Variants in PRSS12 observed in about 807,000 individuals in gnomAD.
The protein encoded by PRSS12 is serine protease 12.
In PRSS12, 85 loss-of-function variants were observed where a neutral mutation model predicts 104.4. The ratio of observed to expected loss-of-function variants is 0.81; its 90% CI spans 0.68 to 0.98. The LOEUF (loss-of-function observed/expected upper bound fraction) is 0.98. Among genes scored for constraint, PRSS12 ranks in the 50% least tolerant of loss-of-function variants. The pLI, the probability that PRSS12 is intolerant of heterozygous loss-of-function variation, is 0.00. For missense variants in PRSS12, 1,141 were observed against 1,139.2 expected, an observed-to-expected ratio of 1.00 and a Z score of -0.02; for synonymous variants, 454 against 425.2, an observed-to-expected ratio of 1.07 and a Z score of -0.83.
intron 8 of PRSS12, among the ~76,000 whole-genome samples, chr4:118,300,373 T>G (rs1743377752): frequency 6.6e-6 from 1 of 152,050 alleles, no homozygotes; most frequent in Non-Finnish European, 1.5e-5. Flanking sequence ...ATGGCAGATT[T>G]ACTTTTAGTT....
Position 118,331,767 on chromosome 4 carries a change from TC to T in PRSS12, c.919del (p.Asp307ThrfsTer10). 1.2e-6 allele frequency: 2 copies of T among 1,614,198 alleles called. No individual in the cohort carries two copies. The highest frequency in any genetic ancestry group is 1.7e-6 in the Non-Finnish European group (2 of 1,180,048). On this transcript the variant is annotated frameshift_variant, in exon 4 of 13. Coordinates refer to ENST00000296498, the MANE Select transcript of PRSS12 (RefSeq NM_003619.4). LOFTEE classifies it high-confidence loss of function. Reference protein sequence around the residue: ...HAGQWGTVCDDQWDDADAEVI... With the variant: ...HAGQWGTVCDXQWDDADAEVI... Reference sequence around the variant, plus strand: ...TTCTGCATCGGCATCATCCCATTGGTCATCACAAACGGTTCCCCACTGGCCA... The same window carrying T: ...TTCTGCATCGGCATCATCCCATTGGTATCACAAACGGTTCCCCACTGGCCA...
rs558433873 is a variant in PRSS12, at chr4:118,282,978, A to G, written c.2173T>C (p.Tyr725His). The change falls in exon 12 of 13, where the codon TAT (tyrosine) becomes CAT (histidine). Residue 725 changes from tyrosine to histidine, a missense_variant. Physicochemically the swap from Tyr to His is moderately conservative, Grantham distance 83 (BLOSUM62 2). Transcript: ENST00000296498. ...TGTAATCTAACCAGGGCTATGTCAT[A>G]ATCACTGCGGTCGGGTCGATACTCC... ...HREYRPDRSD[Y>H]DIALVRLQGP... 14 of 1,614,164 alleles carry G rather than the reference A, an allele frequency of 8.7e-6. No homozygotes were observed. The South Asian group carries it at 1.4e-4, about 16-fold the overall frequency.
In PRSS12 at chr4:118,282,167, C is replaced by T. The variant is rs1473261898; in HGVS notation, c.2397G>A (p.Lys799=). The T allele has an allele frequency of 6.2e-7, 1 of 1,614,072 alleles. No individual in the cohort carries two copies. The highest frequency in any genetic ancestry group is 8.5e-7 in the Non-Finnish European group (1 of 1,180,048). ...AAAGCATTCTCCCTGTAAACCGACCCTTATAACGTTCTTCACAAAACCTTT... is the reference window on the plus strand; with the variant it reads ...AAAGCATTCTCCCTGTAAACCGACCTTTATAACGTTCTTCACAAAACCTTT... ...LPKRFCEERY[K]GRFTGRMLCA... is the part of the protein sequence containing the mutation. The change falls in exon 13 of 13, where the codon AAG becomes AAA. Residue 799 remains lysine, a synonymous_variant. Coordinates refer to ENST00000296498, the MANE Select transcript of PRSS12 (RefSeq NM_003619.4).
At chr4:118,322,043 T>G (rs1723640799) in intron 4 of PRSS12, among the ~76,000 whole-genome samples, 2 of 152,188 alleles carry the variant, frequency 1.3e-5, no homozygotes, top group African/African-American at 4.8e-5. Context: ...TTTTCAAATA[T>G]TTGAATGCAC....
rs1045821746 is a variant in PRSS12 at position 118,282,430 on chromosome 4, C to A, written c.2321-187G>T. Among the ~76,000 whole-genome samples, 3 of 152,146 alleles carry A rather than the reference C, an allele frequency of 2.0e-5. No homozygotes were observed. The South Asian group carries it at 6.2e-4, about 32-fold the overall frequency. Reference sequence around the variant, plus strand: ...TTTTTAATGTTGACACAATCTTAACCTTCACAAATTTCTCAGTACTGAATT... The same window carrying A: ...TTTTTAATGTTGACACAATCTTAACATTCACAAATTTCTCAGTACTGAATT... On this transcript the variant is annotated intron_variant, in intron 12 of 12. Transcript: ENST00000296498.
Position 118,352,627 on chromosome 4 carries a change from T to G in PRSS12, c.94A>C (p.Ser32Arg). The change falls in exon 1 of 13, where the codon AGC (serine) becomes CGC (arginine). Residue 32 changes from serine (S) to arginine (R), a missense_variant. Coordinates refer to ENST00000296498, the MANE Select transcript of PRSS12 (RefSeq NM_003619.4). ...DSVLNDSLHH[S>R]HRHSPPAGPH... ...CCCGCAGGGGGCGAATGGCGGTGGC[T>G]GTGGTGGAGGGAATCATTGAGGACA... 6.2e-7 allele frequency: 1 copy of G among 1,612,214 alleles called. No individual in the cohort carries two copies. The highest frequency in any genetic ancestry group is 8.5e-7 in the Non-Finnish European group (1 of 1,179,310).
At chr4:118,319,419 G>A (rs1025501109) in intron 4 of PRSS12, among the ~76,000 whole-genome samples, 3 of 152,028 alleles carry the variant, frequency 2.0e-5, no homozygotes, top group African/African-American at 7.2e-5. Context: ...TTACTTGTAG[G>A]AAGTATCTTC....
At chr4:118,307,131 C>G (rs1325286591) in intron 8 of PRSS12, among the ~76,000 whole-genome samples, 1 of 152,026 alleles carries the variant, frequency 6.6e-6, no homozygotes, top group Non-Finnish European at 1.5e-5. Context: ...TAAAATTAAC[C>G]ACTGACCAAA....
chr4:118,327,804 C>T (rs982634596), intron 4 of PRSS12, among the ~76,000 whole-genome samples: 1 of 152,208 alleles, frequency 6.6e-6, no homozygotes, highest in Non-Finnish European at 1.5e-5. Flanking sequence ...TCCTTTCCCG[C>T]TGCTCATCTT....
chr4:118,285,741 A>C (rs1242845931), intron 11 of PRSS12, among the ~76,000 whole-genome samples: 1 of 152,204 alleles, frequency 6.6e-6, no homozygotes, highest in Non-Finnish European at 1.5e-5. Flanking sequence ...TACATTTTGC[A>C]ATGATAATAT....
intron 8 of PRSS12, among the ~76,000 whole-genome samples, chr4:118,302,533 T>A (rs1743426355): frequency 6.6e-6 from 1 of 152,204 alleles, no homozygotes; most frequent in Admixed American, 6.5e-5. Flanking sequence ...TTCAAGCGAT[T>A]CTCCTGCCTC....
rs1371194796 is a variant in PRSS12, at chr4:118,281,985, G to A, written c.2579C>T (p.Thr860Ile). ...CCAAGGTACAAAGGCTGAGACTTTG[G>A]TATAAACACCAGGAGAATCCTTGAC... ...CGVKDSPGVY[T>I]KVSAFVPWIK... The change falls in exon 13 of 13, where the codon ACC (threonine) becomes ATC (isoleucine). Residue 860 changes from threonine (T) to isoleucine (I), a missense_variant. Thr to Ile is a moderately conservative substitution (Grantham distance 89, BLOSUM62 -1). Coordinates refer to ENST00000296498, the MANE Select transcript of PRSS12 (RefSeq NM_003619.4). The A allele has an allele frequency of 6.5e-7, 1 of 1,538,798 alleles. No individual in the cohort carries two copies. Among genetic ancestry groups the A allele is most frequent in the South Asian group, 1.1e-5 (1 of 89,582 alleles).
chr4:118,347,168 T>G (rs1022064054), intron 1 of PRSS12, among the ~76,000 whole-genome samples: 2 of 152,196 alleles, frequency 1.3e-5, no homozygotes, highest in African/African-American at 4.8e-5. Context: ...AAAAGCAGAT[T>G]GAGCTCAATA....
intron 8 of PRSS12, among the ~76,000 whole-genome samples, chr4:118,301,349 G>C (rs538151544): frequency 6.6e-6 from 1 of 152,106 alleles, no homozygotes; most frequent in African/African-American, 2.4e-5. Flanking sequence ...CATCTCACAT[G>C]AATTAAAGTA....
At chr4:118,323,265 A>AC (rs1723679925) in intron 4 of PRSS12, among the ~76,000 whole-genome samples, 1 of 152,112 alleles carries the variant, frequency 6.6e-6, no homozygotes, top group African/African-American at 2.4e-5. Context: ...AGGCAGATTA[A>AC]CAGCCTTCTT....
rs1344015307 is a variant in PRSS12, at chr4:118,283,013, A to G, written c.2138T>C (p.Val713Ala). 6.2e-7 allele frequency: 1 copy of G among 1,614,160 alleles called. No individual in the cohort carries two copies. The highest frequency in any genetic ancestry group is 1.1e-5 in the South Asian group (1 of 91,084). Residue 713 changes from valine (V) to alanine (A), a missense_variant, in exon 12 of 13, where the codon GTG (valine) becomes GCG (alanine). Coordinates refer to ENST00000296498, the MANE Select transcript of PRSS12 (RefSeq NM_003619.4). ...GTCGGGTCGATACTCCCGATGAATC[A>G]CAATCTGTTGAACTCCAATTTCTTC... The part of the protein sequence containing the change: ...FEEEIGVQQI[V>A]IHREYRPDRS...
intron 7 of PRSS12, among the ~76,000 whole-genome samples, chr4:118,312,543 AG>A (rs1418500107): frequency 2.6e-5 from 4 of 152,170 alleles, no homozygotes; most frequent in African/African-American, 9.7e-5. Flanking sequence ...TACTCTCAAG[AG>A]GATCTTTATC....
intron 4 of PRSS12, among the ~76,000 whole-genome samples, chr4:118,325,991 T>A (rs769451666): frequency 6.6e-6 from 1 of 152,214 alleles, no homozygotes; most frequent in African/African-American, 2.4e-5. Flanking sequence ...ATTTAGCTAA[T>A]CAAATTGTAT....
At chr4:118,292,236 T>C (rs1384885467) in intron 11 of PRSS12, among the ~76,000 whole-genome samples, 1 of 152,190 alleles carries the variant, frequency 6.6e-6, no homozygotes, top group Non-Finnish European at 1.5e-5. Flanking sequence ...AATTAATATG[T>C]TGAACACGAC....
Sources: gnomAD v4.1 joint callset for allele counts (sites outside exome capture counted in the v4.1 genomes callset) on GRCh38, gnomAD v4.1.1 for gene constraint, MANE v1.5 for transcripts, NCBI Gene and HGNC (gene_info 2026-07-23, HGNC 2026-07-21) for gene names.